The following SPATA17 variants were observed in gnomAD, a reference collection of about 807,000 sequenced individuals.
SPATA17 encodes the protein spermatogenesis-associated protein 17.
Under a neutral mutation model 62.2 loss-of-function variants are expected in SPATA17, and 53 were observed. That is an observed-to-expected ratio of 0.85 (90% confidence interval 0.68 to 1.07). The LOEUF (loss-of-function observed/expected upper bound fraction) is 1.07, where lower values mean the gene tolerates loss of function less well. Ranked by LOEUF, SPATA17 falls within the 50% of genes least tolerant of loss-of-function variation. The pLI, the probability that SPATA17 is intolerant of heterozygous loss-of-function variation, is 0.00. For synonymous variants in SPATA17, 146 were observed against 146.8 expected, an observed-to-expected ratio of 0.99 and a Z score of 0.04; for missense variants, 466 against 425.5, an observed-to-expected ratio of 1.10 and a Z score of -0.84.
chr1:217,834,208 A>C (rs1675208992), intron 9 of SPATA17, among the ~76,000 whole-genome samples: 1 of 152,194 alleles, frequency 6.6e-6, no homozygotes, highest in African/African-American at 2.4e-5. Flanking sequence ...ATAAAAGTAT[A>C]GCACATATGA....
At chr1:217,764,119 G>A (rs1238394672) in intron 6 of SPATA17, among the ~76,000 whole-genome samples, 4 of 152,016 alleles carry the variant, frequency 2.6e-5, no homozygotes, top group Admixed American at 1.3e-4. Flanking sequence ...GTTTACATTA[G>A]GTTTCATTCC....
chr1:217,707,066 C>T (rs1217614565), intron 5 of SPATA17, among the ~76,000 whole-genome samples: 2 of 152,062 alleles, frequency 1.3e-5, no homozygotes, highest in Non-Finnish European at 2.9e-5. Context: ...AGGGTTTCAC[C>T]GTATTGGTCC....
At chr1:217,720,639 CA>C (rs1571756895) in intron 5 of SPATA17, among the ~76,000 whole-genome samples, 1 of 152,042 alleles carries the variant, frequency 6.6e-6, no homozygotes, top group Non-Finnish European at 1.5e-5. Flanking sequence ...AATAAATAAA[CA>C]TTTTTTTTAA....
chr1:217,822,084 C>T (rs543665896), intron 9 of SPATA17, among the ~76,000 whole-genome samples: 1 of 152,154 alleles, frequency 6.6e-6, no homozygotes, highest in East Asian at 1.9e-4. Flanking sequence ...CCTAAAATGT[C>T]AATTATGCCA....
intron 7 of SPATA17, among the ~76,000 whole-genome samples, chr1:217,778,394 GC>G (rs1673646398): frequency 6.6e-6 from 1 of 152,054 alleles, no homozygotes. Context: ...GGTGGCACAT[GC>G]CTGTAATCCC....
intron 6 of SPATA17, among the ~76,000 whole-genome samples, chr1:217,762,845 A>G (rs889824123): frequency 3.9e-5 from 6 of 152,132 alleles, no homozygotes; most frequent in Non-Finnish European, 8.8e-5. Flanking sequence ...GGTGGTGTGT[A>G]CTTGTATTCC....
chr1:217,769,958 AT>A (rs1226703717), intron 6 of SPATA17, among the ~76,000 whole-genome samples: 6 of 152,192 alleles, frequency 3.9e-5, no homozygotes, highest in African/African-American at 1.4e-4. Flanking sequence ...CAGGGCAATT[AT>A]TTGCTGAGTG....
At chr1:217,779,139 A>G (rs1249646366) in intron 7 of SPATA17, among the ~76,000 whole-genome samples, 1 of 108,688 alleles carries the variant, frequency 9.2e-6, no homozygotes, top group Non-Finnish European at 2.0e-5. Flanking sequence ...CATTTGTAAA[A>G]CAACTTGTGT....
At chr1:217,759,885 C>T (rs1280290310) in intron 6 of SPATA17, among the ~76,000 whole-genome samples, 1 of 152,100 alleles carries the variant, frequency 6.6e-6, no homozygotes, top group African/African-American at 2.4e-5. Flanking sequence ...TTGATCCAAC[C>T]ATCTTCTGCT....
chr1:217,774,885 T>G (rs1247084478), intron 7 of SPATA17, among the ~76,000 whole-genome samples: 1 of 152,204 alleles, frequency 6.6e-6, no homozygotes. Flanking sequence ...CACATTTTGT[T>G]TATCCATTTA....
At chr1:217,638,316 A>C (rs374594229) in intron 1 of SPATA17, among the ~76,000 whole-genome samples, 1 of 68,980 alleles carries the variant, frequency 1.4e-5, no homozygotes, top group African/African-American at 4.5e-5. Flanking sequence ...GAAAGAAATA[A>C]GTGTTTTAAT....
intron 9 of SPATA17, among the ~76,000 whole-genome samples, chr1:217,838,752 T>C (rs1328922507): frequency 6.6e-6 from 1 of 152,112 alleles, no homozygotes; most frequent in African/African-American, 2.4e-5. Context: ...GAACATTCTC[T>C]TAATCGAGAG....
chr1:217,808,950 C>T (rs563750681), intron 9 of SPATA17, among the ~76,000 whole-genome samples: 33 of 151,572 alleles, frequency 2.2e-4, no homozygotes, highest in African/African-American at 7.5e-4. Flanking sequence ...ATGCCTGCAA[C>T]ATAAAGGGAA....
At chr1:217,643,734 AATT>A in intron 1 of SPATA17, among the ~76,000 whole-genome samples, 1 of 146,954 alleles carries the variant, frequency 6.8e-6, no homozygotes, top group Admixed American at 6.7e-5. Context: ...ATATATATAT[AATT>A]TTTTTTTTTT....
chr1:217,733,829 T>C (rs1485675708), intron 5 of SPATA17, among the ~76,000 whole-genome samples: 1 of 152,214 alleles, frequency 6.6e-6, no homozygotes, highest in Non-Finnish European at 1.5e-5. Context: ...GTTTCAACTC[T>C]ATATTTCAGA....
chr1:217,727,884 C>G (rs1038446683), intron 5 of SPATA17, among the ~76,000 whole-genome samples: 4 of 152,168 alleles, frequency 2.6e-5, no homozygotes, highest in African/African-American at 9.6e-5. Flanking sequence ...CTTTTTCCAT[C>G]TGCAAAAATA....
intron 9 of SPATA17, among the ~76,000 whole-genome samples, chr1:217,828,559 A>T (rs956677127): frequency 2.7e-5 from 4 of 148,786 alleles, no homozygotes; most frequent in African/African-American, 7.3e-5. Context: ...AGGCTACCAA[A>T]ACAAAAATAA....
intron 6 of SPATA17, among the ~76,000 whole-genome samples, chr1:217,748,025 C>G (rs1386279604): frequency 6.6e-6 from 1 of 152,022 alleles, no homozygotes; most frequent in Admixed American, 6.6e-5. Context: ...TAAACTTGGC[C>G]GGGCGCGGTG....
intron 3 of SPATA17, among the ~76,000 whole-genome samples, chr1:217,665,767 T>C (rs1670680837): frequency 6.6e-6 from 1 of 152,294 alleles, no homozygotes; most frequent in East Asian, 1.9e-4. Flanking sequence ...ATAAGAGCCC[T>C]GTCTAAAAGA....
Sources: allele counts gnomAD v4.1 joint callset (sites outside exome capture counted in the v4.1 genomes callset), GRCh38; gene constraint gnomAD v4.1.1; transcripts MANE v1.5; gene names NCBI Gene and HGNC (gene_info 2026-07-23, HGNC 2026-07-21).